Variants in PTPRT observed in about 807,000 individuals in gnomAD.
PTPRT encodes receptor-type tyrosine-protein phosphatase T.
A neutral mutation model predicts 176.8 loss-of-function variants in PTPRT; 56 were observed. The observed-to-expected ratio is 0.32, with a 90% CI of 0.26 to 0.40. The LOEUF (loss-of-function observed/expected upper bound fraction) is 0.40, where lower values mean the gene tolerates loss of function less well. PTPRT is among the 10% of genes least tolerant of loss of function. The probability of loss-of-function intolerance (pLI) is 1.00; values close to 1 mark genes in which losing one functional copy is unlikely to be tolerated. For synonymous variants in PTPRT, 783 were observed against 739.0 expected (o/e 1.06, Z -0.96); for missense variants, 1,540 against 1,908.2 (o/e 0.81, Z 3.60).
At chr20:42,408,407 T>C (rs2058981313) in intron 9 of PTPRT, among the ~76,000 whole-genome samples, 1 of 152,162 alleles carries the variant, frequency 6.6e-6, no homozygotes, top group African/African-American at 2.4e-5. Context: ...TGTGTGTCTG[T>C]GTCTATCTTA....
chr20:42,687,861 C>T (rs1204846465), intron 6 of PTPRT: 1 of 152,216 alleles, frequency 6.6e-6, no homozygotes, highest in African/African-American at 2.4e-5. Flanking sequence ...GCAGCAAGGA[C>T]AAATAACATT....
At chr20:42,441,952 G>C (rs970764650) in intron 9 of PTPRT, among the ~76,000 whole-genome samples, 1 of 152,172 alleles carries the variant, frequency 6.6e-6, no homozygotes, top group Non-Finnish European at 1.5e-5. Flanking sequence ...CAATCCAGCT[G>C]ATTTCCTCCT....
intron 7 of PTPRT, among the ~76,000 whole-genome samples, chr20:42,492,871 A>G (rs777299660): frequency 4.6e-5 from 7 of 152,084 alleles, no homozygotes; most frequent in Non-Finnish European, 8.8e-5. Context: ...TTGCATTTGG[A>G]GTTCTATATA....
chr20:42,501,096 C>A lies in PTPRT; in HGVS notation c.1154-28534G>T, dbSNP rs77797500. 1.1e-4 allele frequency among the ~76,000 whole-genome samples: 16 copies of A among 152,270 alleles called. No homozygotes were observed. In the East Asian group the frequency reaches 2.9e-3, roughly 28 times the overall value. ...ATTACCAGCCCTCAGAAGCCCACCC[C>A]ATCACGCCTTTCCCCGTCACTAACC... On this transcript the variant is annotated intron_variant, in intron 7 of 30. Transcript: ENST00000373187.
At chr20:42,679,294 T>TG (rs1190939987) in intron 6 of PTPRT, among the ~76,000 whole-genome samples, 3 of 146,818 alleles carry the variant, frequency 2.0e-5, no homozygotes, top group African/African-American at 5.3e-5. Flanking sequence ...TTAACTTTAA[T>TG]GGGGAAAAAA....
rs537117604 is a variant in PTPRT, at chr20:42,294,579, T to C, written c.2140-12054A>G. Among the ~76,000 whole-genome samples, 5 of 152,180 alleles carry C rather than the reference T, an allele frequency of 3.3e-5. No homozygotes were observed. The South Asian group carries it at 1.0e-3, about 32-fold the overall frequency. ...CTGAACTGAGAATCGTATAAGCCACTTTAAATCTAAAAAATTTTTTAAAAT... is the reference window on the plus strand; with the variant it reads ...CTGAACTGAGAATCGTATAAGCCACCTTAAATCTAAAAAATTTTTTAAAAT... On this transcript the variant is annotated intron_variant, in intron 12 of 30. Transcript: ENST00000373187.
chr20:43,098,357 T>A (rs2012251740), intron 1 of PTPRT, among the ~76,000 whole-genome samples: 1 of 152,132 alleles, frequency 6.6e-6, no homozygotes, highest in Admixed American at 6.6e-5. Flanking sequence ...CTGCCTCAGT[T>A]TCCTCATCTG....
At chr20:42,125,172 G>T (rs1239764497) in intron 19 of PTPRT, among the ~76,000 whole-genome samples, 1 of 152,134 alleles carries the variant, frequency 6.6e-6, no homozygotes, top group Non-Finnish European at 1.5e-5. Flanking sequence ...CTACCCTACT[G>T]GTTTCTCTTA....
chr20:42,321,848 C>T (rs2057802347), intron 11 of PTPRT, among the ~76,000 whole-genome samples: 1 of 152,088 alleles, frequency 6.6e-6, no homozygotes, highest in Admixed American at 6.5e-5. Flanking sequence ...CTTTGGGAGG[C>T]CAAGGCGGGT....
intron 1 of PTPRT, among the ~76,000 whole-genome samples, chr20:43,144,745 T>A (rs1319168169): frequency 1.3e-5 from 2 of 152,032 alleles, no homozygotes; most frequent in African/African-American, 4.8e-5. Flanking sequence ...TGGATTGTGA[T>A]GATGATTGCA....
chr20:42,989,513 G>A (rs1030997376), intron 1 of PTPRT, among the ~76,000 whole-genome samples: 13 of 152,204 alleles, frequency 8.5e-5, no homozygotes, highest in Non-Finnish European at 1.3e-4. Flanking sequence ...CAGTGAGGCT[G>A]ACAAGGACTG....
intron 1 of PTPRT, among the ~76,000 whole-genome samples, chr20:43,035,654 A>T (rs1263760979): frequency 6.6e-6 from 1 of 152,212 alleles, no homozygotes. Flanking sequence ...CAGATGAACA[A>T]AGGTAACTAC....
intron 1 of PTPRT, among the ~76,000 whole-genome samples, chr20:43,134,557 CTCTTGCCCATGCT>C (rs563688628): frequency 5.8e-4 from 88 of 152,320 alleles, no homozygotes; most frequent in Middle Eastern, 3.4e-3. Flanking sequence ...TATAAATCTC[CTCTTGCCCATGCT>C]GTATTCGGAG....
intron 2 of PTPRT, among the ~76,000 whole-genome samples, chr20:42,873,164 T>G (rs949483653): frequency 6.6e-6 from 1 of 152,204 alleles, no homozygotes; most frequent in South Asian, 2.1e-4. Context: ...AAGTGTTATG[T>G]CCATGTGCTA....
chr20:42,781,768 C>T (rs776403948), intron 3 of PTPRT, among the ~76,000 whole-genome samples: 8 of 152,140 alleles, frequency 5.3e-5, no homozygotes, highest in Non-Finnish European at 8.8e-5. Flanking sequence ...ACTGCTTACA[C>T]GGAAGATACT....
At chr20:43,060,524 T>C (rs1459484241) in intron 1 of PTPRT, among the ~76,000 whole-genome samples, 7 of 152,244 alleles carry the variant, frequency 4.6e-5, no homozygotes, top group Admixed American at 2.0e-4. Flanking sequence ...ATTCAGTCTA[T>C]AGCAGTCACT....
chr20:42,708,810 T>C (rs1020126742), intron 6 of PTPRT, among the ~76,000 whole-genome samples: 15 of 152,230 alleles, frequency 9.9e-5, no homozygotes, highest in Admixed American at 9.2e-4. Context: ...ATACAGTCTC[T>C]AGCAGTTTCA....
intron 9 of PTPRT, among the ~76,000 whole-genome samples, chr20:42,407,103 G>C (rs1168431997): frequency 6.6e-6 from 1 of 152,158 alleles, no homozygotes; most frequent in East Asian, 1.9e-4. Context: ...TTGTGATTTA[G>C]AGGTAAGACT....
chr20:43,185,151 G>A (rs2146489933), intron 1 of PTPRT, among the ~76,000 whole-genome samples: 1 of 152,284 alleles, frequency 6.6e-6, no homozygotes, highest in South Asian at 2.1e-4. Flanking sequence ...ATGTGGTATT[G>A]CCTCCTGGAC....
Sources: allele counts gnomAD v4.1 joint callset (sites outside exome capture counted in the v4.1 genomes callset), GRCh38; gene constraint gnomAD v4.1.1; transcripts MANE v1.5; gene names NCBI Gene and HGNC (gene_info 2026-07-23, HGNC 2026-07-21).